The following TAPT1 variants were observed in gnomAD, a reference collection of about 807,000 sequenced individuals.
The protein encoded by TAPT1 is transmembrane anterior posterior transformation protein 1 homolog.
TAPT1 carries 28 observed loss-of-function variants against 65.6 expected under a neutral mutation model. That is an observed-to-expected ratio of 0.43 (90% CI 0.32 to 0.59). The LOEUF (loss-of-function observed/expected upper bound fraction) is 0.59. TAPT1 is among the 20% of genes least tolerant of loss of function. TAPT1 has a pLI of 0.09. For missense variants in TAPT1, 563 were observed against 679.9 expected (o/e 0.83, Z 1.91); for synonymous variants, 278 against 245.2 (o/e 1.13, Z -1.25).
chr4:16,197,592 G>C (rs1431087524), intron 3 of TAPT1, among the ~76,000 whole-genome samples: 1 of 152,104 alleles, frequency 6.6e-6, no homozygotes, highest in Non-Finnish European at 1.5e-5. Context: ...TTTGGAAAAA[G>C]GATGTTTCGT....
chr4:16,211,517 CATG>C (rs1750653043), intron 2 of TAPT1, among the ~76,000 whole-genome samples: 2 of 152,154 alleles, frequency 1.3e-5, no homozygotes, highest in Admixed American at 1.3e-4. Context: ...AACAGAAAAT[CATG>C]ATGTTCTTTT....
intron 7 of TAPT1, among the ~76,000 whole-genome samples, chr4:16,183,396 A>G (rs1337803974): frequency 2.6e-5 from 4 of 152,170 alleles, no homozygotes; most frequent in Non-Finnish European, 4.4e-5. Context: ...CCTGATCATT[A>G]TATCATTTTT....
At chr4:16,165,850 C>T (rs968966570) in intron 13 of TAPT1, among the ~76,000 whole-genome samples, 1 of 152,170 alleles carries the variant, frequency 6.6e-6, no homozygotes, top group African/African-American at 2.4e-5. Flanking sequence ...GGCCAGATAG[C>T]TGCCTCTCTG....
chr4:16,181,475 G>T (rs747571795), intron 7 of TAPT1, among the ~76,000 whole-genome samples: 2 of 152,080 alleles, frequency 1.3e-5, no homozygotes, highest in African/African-American at 4.8e-5. Context: ...TTGGACATAT[G>T]GCAGCTGCAA....
At chr4:16,212,756 T>C (rs1750719681) in intron 2 of TAPT1, among the ~76,000 whole-genome samples, 1 of 152,248 alleles carries the variant, frequency 6.6e-6, no homozygotes. Context: ...TCACCAGCTC[T>C]CTAAATCCCA....
At chr4:16,185,240 T>C (rs1748937611) in intron 7 of TAPT1, among the ~76,000 whole-genome samples, 1 of 152,116 alleles carries the variant, frequency 6.6e-6, no homozygotes, top group Non-Finnish European at 1.5e-5. Context: ...TTATAAAATA[T>C]CTTTTTTATT....
chr4:16,218,292 C>T (rs543955247), intron 1 of TAPT1, among the ~76,000 whole-genome samples: 1 of 152,252 alleles, frequency 6.6e-6, no homozygotes, highest in African/African-American at 2.4e-5. Flanking sequence ...GTAATCCCAG[C>T]TACTTGGGAG....
At position 16,163,244 on chromosome 4, in the gene TAPT1, T is replaced by A. The variant is rs1747368292; in HGVS notation, c.*64A>T. 5 of 1,136,570 alleles carry A rather than the reference T, an allele frequency of 4.4e-6. No individual in the cohort carries two copies. The highest frequency in any genetic ancestry group is 6.6e-6 in the Non-Finnish European group (5 of 753,680). 70.4% of individuals were successfully genotyped at this position (1,136,570 alleles called of 1,614,324 possible). On this transcript the variant is annotated 3_prime_UTR_variant, in exon 14 of 14. Coordinates refer to ENST00000405303, the MANE Select transcript of TAPT1 (RefSeq NM_153365.3). ...TTAAGTGCCATGTTTAGCATCTATT[T>A]GTCCTGGCAACACAGCACTTGTTGC...
At chr4:16,195,057 CT>C (rs1749619701) in intron 3 of TAPT1, among the ~76,000 whole-genome samples, 12 of 151,988 alleles carry the variant, frequency 7.9e-5, no homozygotes, top group Admixed American at 7.9e-4. Context: ...TATAAATGTC[CT>C]TGTTAATAAA....
chr4:16,226,458 G>A lies in TAPT1; in HGVS notation c.-1C>T, dbSNP rs1029439952. On this transcript the variant is annotated 5_prime_UTR_variant, in exon 1 of 14. Transcript: ENST00000405303. ...CGGCCGCGTCGCCGACGCCCGCCAT[G>A]TTCCGAGCACAACAAACTGTCCCCG... 48 of 1,062,092 alleles carry A rather than the reference G, an allele frequency of 4.5e-5. No individual in the cohort carries two copies. The African/African-American group carries it at 6.0e-4, about 13-fold the overall frequency. 65.8% of individuals were successfully genotyped at this position (1,062,092 alleles called of 1,614,324 possible).
intron 4 of TAPT1, among the ~76,000 whole-genome samples, chr4:16,189,088 A>T (rs1172817232): frequency 2.6e-5 from 4 of 152,138 alleles, no homozygotes; most frequent in Admixed American, 2.6e-4. Flanking sequence ...TATTATATGG[A>T]ATAAAATATG....
Position 16,163,424 on chromosome 4 carries a change from G to A in TAPT1, c.1588C>T (p.Pro530Ser), listed in dbSNP as rs1332366063. The change falls in exon 14 of 14, where the codon CCA becomes TCA. Residue 530 changes from proline (P) to serine (S), a missense_variant. Coordinates refer to ENST00000405303, the MANE Select transcript of TAPT1 (RefSeq NM_153365.3). ...GTTATGTCCTTCTCGTCACCATCTG[G>A]AGTTGTCAAAAACTGATCAGAATTG... ...TSNSDQFLTT[P>S]DGDEKDITQD... 2 of 1,613,762 alleles carry A rather than the reference G, an allele frequency of 1.2e-6. No homozygotes were observed. Among genetic ancestry groups the A allele is most frequent in the Non-Finnish European group, 1.7e-6 (2 of 1,179,846 alleles).
chr4:16,186,763 G>C lies in TAPT1; in HGVS notation c.846+18C>G. On this transcript the variant is annotated intron_variant, in intron 6 of 13. Coordinates refer to ENST00000405303, the MANE Select transcript of TAPT1 (RefSeq NM_153365.3). ...TGCCTGTATAACTTCAAAAATGTAA[G>C]ATAAATCTCATACTTACATTATTAG... 1 of 1,550,778 alleles carries C rather than the reference G, an allele frequency of 6.4e-7. No individual in the cohort carries two copies. The highest frequency in any genetic ancestry group is 1.4e-5 in the African/African-American group (1 of 73,358).
intron 2 of TAPT1, among the ~76,000 whole-genome samples, chr4:16,206,851 T>C (rs528716991): frequency 1.3e-5 from 2 of 152,334 alleles, no homozygotes; most frequent in Admixed American, 1.3e-4. Context: ...TTAATAAATG[T>C]GCTAGAGGCC....
chr4:16,204,657 C>A (rs1455728093), intron 2 of TAPT1, among the ~76,000 whole-genome samples: 1 of 152,226 alleles, frequency 6.6e-6, no homozygotes, highest in Non-Finnish European at 1.5e-5. Flanking sequence ...CGCAACCGGG[C>A]ACTGGCCAGG....
intron 1 of TAPT1, among the ~76,000 whole-genome samples, chr4:16,214,106 G>A (rs1346749878): frequency 6.6e-6 from 1 of 152,196 alleles, no homozygotes; most frequent in Non-Finnish European, 1.5e-5. Flanking sequence ...AAATGCCACA[G>A]GAATATGGAA....
intron 8 of TAPT1, among the ~76,000 whole-genome samples, chr4:16,177,258 C>T (rs1357257141): frequency 1.3e-5 from 2 of 152,196 alleles, no homozygotes; most frequent in Non-Finnish European, 2.9e-5. Flanking sequence ...CCAAACTATG[C>T]AAATTATGCA....
In TAPT1 at chr4:16,166,783, G is replaced by A; in HGVS notation, c.1324C>T (p.Leu442=). The A allele has an allele frequency of 6.2e-7, 1 of 1,613,644 alleles. No individual in the cohort carries two copies. The highest frequency in any genetic ancestry group is 8.5e-7 in the Non-Finnish European group (1 of 1,179,732). The change falls in exon 13 of 14, where the codon CTG becomes TTG. Residue 442 remains leucine, a synonymous_variant. Coordinates refer to ENST00000405303, the MANE Select transcript of TAPT1 (RefSeq NM_153365.3). ...AGCACGATGCTATTAAGTACTTTCA[G>A]GGATATCAACCTAAAAACAGAAACA... ...VILFYFGLIS[L]KVLNSIVLLG...
At chr4:16,167,350 A>G (rs80011522) in intron 12 of TAPT1, among the ~76,000 whole-genome samples, 3,262 of 152,284 alleles carry the variant, frequency 0.021, 102 homozygotes, top group African/African-American at 0.066. Flanking sequence ...ATTAAATATT[A>G]TAACATTTAT....
Sources: allele counts gnomAD v4.1 joint callset (sites outside exome capture counted in the v4.1 genomes callset), GRCh38; gene constraint gnomAD v4.1.1; transcripts MANE v1.5; gene names NCBI Gene and HGNC (gene_info 2026-07-23, HGNC 2026-07-21).